PFKFB1: variants seen among roughly 807,000 people sequenced by gnomAD.
PFKFB1 encodes the protein 6-phosphofructo-2-kinase/fructose-2,6-biphosphatase 1, also known as 6-phosphofructo-2-kinase/fructose-2,6-bisphosphatase 1.
Under a neutral mutation model 46.4 loss-of-function variants are expected in PFKFB1, and 34 were observed. That is an observed-to-expected ratio of 0.73 (90% CI 0.56 to 0.98). The LOEUF is 0.98. PFKFB1 is among the 50% of genes least tolerant of loss of function. The pLI is 0.00. For missense variants in PFKFB1, 393 were observed against 376.3 expected, an observed-to-expected ratio of 1.04 and a Z score of -0.37; for synonymous variants, 119 against 133.8, an observed-to-expected ratio of 0.89 and a Z score of 0.76.
chrX:54,986,999 C>G (rs748733352), intron 1 of PFKFB1, among the ~76,000 whole-genome samples: 1 of 109,501 alleles, frequency 9.1e-6, no homozygotes, highest in African/African-American at 3.3e-5. Context: ...TCAACAAAAT[C>G]AAAAGTTGGT....
At chrX:54,957,147 C>T (rs1291984056) in intron 6 of PFKFB1, among the ~76,000 whole-genome samples, 1 of 112,010 alleles carries the variant, frequency 8.9e-6, no homozygotes, top group Non-Finnish European at 1.9e-5. Context: ...TTCCTCCACA[C>T]ATTTGGCTTT....
At chrX:54,953,988 G>A (rs1248567189) in intron 7 of PFKFB1, among the ~76,000 whole-genome samples, 1 of 111,689 alleles carries the variant, frequency 9.0e-6, no homozygotes. Context: ...TTGAGACCAG[G>A]ATCATGTGAA....
intron 8 of PFKFB1, among the ~76,000 whole-genome samples, chrX:54,949,579 T>C (rs1342745454): frequency 1.8e-5 from 2 of 112,311 alleles, no homozygotes; most frequent in Non-Finnish European, 3.8e-5. Context: ...ATGCACAGTC[T>C]ATCTCTCCAT....
rs765185213 is a variant in PFKFB1, at chrX:54,949,165, C to T, written c.903G>A (p.Val301=). The T allele has an allele frequency of 1.7e-6, 2 of 1,210,514 alleles. No individual in the cohort carries two copies. Among genetic ancestry groups the T allele is most frequent in the Non-Finnish European group, 2.2e-6 (2 of 894,740 alleles). ...TGGTCCTCTTCATGTGACTGGTCCA[C>T]ACCTTCAGGGAGCTGATGCCCTGGG... ...IQSQGISSLK[V]WTSHMKRTIQ... is the part of the protein sequence containing the mutation. Residue 301 remains valine (V), a synonymous_variant, in exon 9 of 14, where the codon GTG becomes GTA. Transcript: ENST00000375006.
intron 9 of PFKFB1, among the ~76,000 whole-genome samples, 178 bp from the exon 10 acceptor site, chrX:54,945,721 C>T (rs34428777): frequency 0.045 from 4,031 of 88,645 alleles, 277 homozygotes; most frequent in African/African-American, 0.15. Context: ...TGTGTGTGTG[C>T]GTGTGTGTGT....
chrX:54,988,166 T>C (rs1392068010), intron 1 of PFKFB1, among the ~76,000 whole-genome samples: 2 of 111,523 alleles, frequency 1.8e-5, no homozygotes, highest in African/African-American at 6.5e-5. Flanking sequence ...AAGATCAATA[T>C]ATAAAAATCA....
intron 11 of PFKFB1, among the ~76,000 whole-genome samples, chrX:54,935,524 A>T (rs1240664517): frequency 2.7e-5 from 3 of 112,369 alleles, no homozygotes; most frequent in African/African-American, 9.7e-5. Flanking sequence ...GTTTCCAGTT[A>T]TTGACATTAT....
At chrX:54,964,253 G>C (rs1309374809) in intron 1 of PFKFB1, among the ~76,000 whole-genome samples, 1 of 110,781 alleles carries the variant, frequency 9.0e-6, no homozygotes, top group African/African-American at 3.3e-5. Context: ...CAACACCCAG[G>C]GTAAGCCTGC....
At chrX:54,998,460 T>G (rs1396580251), upstream of PFKFB1, 3 of 1,143,957 alleles carry the variant, frequency 2.6e-6, no homozygotes, top group East Asian at 9.8e-5. Flanking sequence ...CTCGGTTCTC[T>G]TGCATTTACA....
intron 13 of PFKFB1, 135 bp from the exon 14 acceptor site, chrX:54,933,597 G>A (rs1933291521): frequency 5.2e-6 from 3 of 572,260 alleles, no homozygotes; most frequent in Admixed American, 3.0e-5. Flanking sequence ...TAGGCCTGGG[G>A]GAATCTCAGC....
chrX:54,958,050 T>C (rs1489114205), intron 6 of PFKFB1, among the ~76,000 whole-genome samples: 1 of 111,857 alleles, frequency 8.9e-6, no homozygotes, highest in Non-Finnish European at 1.9e-5. Flanking sequence ...TGCAGTTTTG[T>C]TGTGAAAATT....
At position 54,941,245 on chromosome X, in the gene PFKFB1, G is replaced by T. The variant is rs779837395; in HGVS notation, c.1099-3521C>A. 2.7e-5 allele frequency among the ~76,000 whole-genome samples: 3 copies of T among 112,040 alleles called. No homozygotes were observed. The South Asian group carries it at 1.1e-3, about 42-fold the overall frequency. On this transcript the variant is annotated intron_variant, in intron 10 of 13. Coordinates refer to ENST00000375006, the MANE Select transcript of PFKFB1 (RefSeq NM_002625.4). Reference sequence around the variant, plus strand: ...ACACCTTATTCAAAAATTAATTCAAGATGGATGAAAGACTTAAACGTTAGA... The same window carrying T: ...ACACCTTATTCAAAAATTAATTCAATATGGATGAAAGACTTAAACGTTAGA...
chrX:54,970,411 T>C (rs1248867319), intron 1 of PFKFB1, among the ~76,000 whole-genome samples: 2 of 106,452 alleles, frequency 1.9e-5, no homozygotes, highest in Non-Finnish European at 3.9e-5. Flanking sequence ...TATGTATACA[T>C]GTGCATGCTG....
At chrX:54,990,221 C>A (rs1935207906) in intron 1 of PFKFB1, among the ~76,000 whole-genome samples, 1 of 109,982 alleles carries the variant, frequency 9.1e-6, no homozygotes. Flanking sequence ...ATCAAAAAGT[C>A]AAAAGTTGAT....
At chrX:54,973,240 T>C (rs1934735013) in intron 1 of PFKFB1, among the ~76,000 whole-genome samples, 1 of 111,588 alleles carries the variant, frequency 9.0e-6, no homozygotes, top group South Asian at 3.8e-4. Flanking sequence ...TTTTCCTCTT[T>C]ATTAGTCTTG....
In PFKFB1 at chrX:54,945,546, G is replaced by C; in HGVS notation, c.994-3C>G. 1 of 1,106,624 alleles carries C rather than the reference G, an allele frequency of 9.0e-7. No homozygotes were observed. 91.2% of individuals were successfully genotyped at this position (1,106,624 alleles called of 1,213,427 possible). A position where few individuals can be genotyped will look rare whatever the true frequency, so the allele number is the denominator to read the frequency against. On this transcript the variant is annotated splice_region_variant and splice_polypyrimidine_tract_variant and intron_variant, in intron 9 of 13. Coordinates refer to ENST00000375006, the MANE Select transcript of PFKFB1 (RefSeq NM_002625.4). ...TAGGTCATCTCCTCACAGACACCCT[G>C]AGAAAAAGTATTTGGGGGCGAAAGT...
At chrX:54,985,788 TAA>T (rs1338104023) in intron 1 of PFKFB1, among the ~76,000 whole-genome samples, 1 of 109,701 alleles carries the variant, frequency 9.1e-6, no homozygotes, top group Non-Finnish European at 1.9e-5. Flanking sequence ...TATATATGAG[TAA>T]AATTTTTATA....
chrX:54,993,740 T>C (rs776120725), intron 1 of PFKFB1, among the ~76,000 whole-genome samples, 171 bp downstream of exon 1: 1 of 111,984 alleles, frequency 8.9e-6, no homozygotes, highest in African/African-American at 3.2e-5. Flanking sequence ...GTCTTCTCTC[T>C]CATTCTTTTC....
intron 1 of PFKFB1, among the ~76,000 whole-genome samples, chrX:54,975,121 G>A (rs868164852): frequency 9.0e-6 from 1 of 111,250 alleles, no homozygotes; most frequent in Non-Finnish European, 1.9e-5. Flanking sequence ...CCAGAGGAAA[G>A]GAAGTGATTA....
Sources: gnomAD v4.1 joint callset for allele counts (sites outside exome capture counted in the v4.1 genomes callset) on GRCh38, gnomAD v4.1.1 for gene constraint, MANE v1.5 for transcripts, NCBI Gene and HGNC (gene_info 2026-07-23, HGNC 2026-07-21) for gene names.